The following TAFA1 variants were observed in gnomAD, a reference collection of about 807,000 sequenced individuals.
TAFA1 encodes TAFA chemokine like family member 1, also known as chemokine-like protein TAFA-1.
In TAFA1, 4 loss-of-function variants were observed where a neutral mutation model predicts 18.5. The ratio of observed to expected loss-of-function variants is 0.22; its 90% confidence interval spans 0.11 to 0.49. TAFA1 has a LOEUF of 0.49. Ranked by LOEUF, TAFA1 falls within the 20% of genes least tolerant of loss-of-function variation. The pLI is 0.98. For missense variants in TAFA1, 147 were observed against 169.0 expected (o/e 0.87, Z 0.72); for synonymous variants, 56 against 55.2 (o/e 1.01, Z -0.06).
chr3:68,122,824 G>T (rs900167571), intron 2 of TAFA1, among the ~76,000 whole-genome samples: 3 of 151,646 alleles, frequency 2.0e-5, no homozygotes, highest in Non-Finnish European at 1.5e-5. Flanking sequence ...GTGTGTGTAT[G>T]TGTGTGTGTA....
intron 2 of TAFA1, chr3:68,145,097 G>C (rs182572268): frequency 1.7e-6 from 2 of 1,186,872 alleles, no homozygotes; most frequent in Non-Finnish European, 2.5e-6. Context: ...TGGAGGAATT[G>C]CTACACCCCC....
chr3:67,994,927 T>C, the TAFA1 span, among the ~76,000 whole-genome samples: 2 of 152,108 alleles, frequency 1.3e-5, no homozygotes, highest in Non-Finnish European at 1.5e-5. Context: ...GCAGAGAGAT[T>C]GTGGTTACAT....
chr3:68,188,268 G>T (rs936008570), intron 2 of TAFA1, among the ~76,000 whole-genome samples: 1 of 151,728 alleles, frequency 6.6e-6, no homozygotes, highest in African/African-American at 2.4e-5. Context: ...ACATTGATAG[G>T]AATAAGTTTG....
intron 2 of TAFA1, among the ~76,000 whole-genome samples, chr3:68,124,881 G>A (rs772892940): frequency 3.3e-5 from 5 of 152,164 alleles, no homozygotes; most frequent in Non-Finnish European, 4.4e-5. Context: ...TGTAAGTATG[G>A]GTAAGAGGGT....
At chr3:68,019,286 T>C (rs1000771202) in intron 2 of TAFA1, among the ~76,000 whole-genome samples, 91 of 152,328 alleles carry the variant, frequency 6.0e-4, no homozygotes, top group African/African-American at 2.1e-3. Flanking sequence ...ATGGTTTTTT[T>C]CCTTTCTGGA....
intron 2 of TAFA1, among the ~76,000 whole-genome samples, chr3:68,365,955 C>T (rs186449625): frequency 2.0e-5 from 3 of 151,832 alleles, no homozygotes; most frequent in East Asian, 1.9e-4. Flanking sequence ...CATGGTGGCA[C>T]GTGCCTGTAG....
intron 3 of TAFA1, among the ~76,000 whole-genome samples, chr3:68,458,664 C>T (rs1391063805): frequency 6.6e-6 from 1 of 152,132 alleles, no homozygotes; most frequent in Non-Finnish European, 1.5e-5. Flanking sequence ...AACATGTTGG[C>T]AACTACTGTT....
At chr3:68,436,580 A>C (rs1463280218) in intron 3 of TAFA1, among the ~76,000 whole-genome samples, 2 of 152,126 alleles carry the variant, frequency 1.3e-5, no homozygotes, top group Non-Finnish European at 2.9e-5. Flanking sequence ...AATTTCAGCA[A>C]GTGTTCATTA....
At chr3:68,278,370 T>A (rs1443024155) in intron 2 of TAFA1, among the ~76,000 whole-genome samples, 2 of 152,184 alleles carry the variant, frequency 1.3e-5, no homozygotes, top group African/African-American at 2.4e-5. Flanking sequence ...GTCACCCAGC[T>A]TCAATAATTA....
intron 2 of TAFA1, among the ~76,000 whole-genome samples, chr3:68,356,794 A>G (rs1043257352): frequency 6.6e-6 from 1 of 152,024 alleles, no homozygotes; most frequent in Admixed American, 6.6e-5. Flanking sequence ...ACATACATGC[A>G]TACATACATA....
chr3:68,101,105 C>G (rs1471881838), intron 2 of TAFA1, among the ~76,000 whole-genome samples: 1 of 151,928 alleles, frequency 6.6e-6, no homozygotes, highest in Non-Finnish European at 1.5e-5. Flanking sequence ...TATTTCATCA[C>G]CCAGGTATTG....
intron 3 of TAFA1, among the ~76,000 whole-genome samples, chr3:68,506,987 G>A (rs984697115): frequency 2.0e-5 from 3 of 152,024 alleles, no homozygotes; most frequent in South Asian, 2.1e-4. Context: ...GAAGGTCTTC[G>A]ATATTTTAAG....
intron 2 of TAFA1, among the ~76,000 whole-genome samples, chr3:68,249,411 C>A (rs2067147553): frequency 6.6e-6 from 1 of 152,144 alleles, no homozygotes; most frequent in South Asian, 2.1e-4. Context: ...ACAGCTCTGA[C>A]AACTCAGTCT....
At chr3:68,140,547 C>G (rs956770858) in intron 2 of TAFA1, among the ~76,000 whole-genome samples, 1 of 152,104 alleles carries the variant, frequency 6.6e-6, no homozygotes, top group Non-Finnish European at 1.5e-5. Context: ...GAGTGCCTAC[C>G]CTGCATGAGT....
chr3:68,515,884 C>T (rs1476336747), intron 3 of TAFA1, among the ~76,000 whole-genome samples: 3 of 152,212 alleles, frequency 2.0e-5, no homozygotes, highest in Non-Finnish European at 1.5e-5. Flanking sequence ...ACACGAGCTC[C>T]TCTTGAAATT....
chr3:68,047,665 G>C (rs1311201590), intron 2 of TAFA1, among the ~76,000 whole-genome samples: 3 of 152,078 alleles, frequency 2.0e-5, no homozygotes, highest in African/African-American at 7.2e-5. Flanking sequence ...ATGAAGGGGA[G>C]GGATATATTG....
Position 68,049,503 on chromosome 3 carries a change from T to G in TAFA1, c.118+42759T>G, listed in dbSNP as rs182265257. ...ACTGAAGAGGAGAAGAAATGTCATT[T>G]GTGTTGCTTGGCACACATGAATTCT... is the stretch of plus-strand genomic sequence containing the variant. On this transcript the variant is annotated intron_variant, in intron 2 of 4. Coordinates refer to ENST00000478136, the MANE Select transcript of TAFA1 (RefSeq NM_213609.4). Among the ~76,000 whole-genome samples the G allele has an allele frequency of 2.6e-5, 4 of 152,216 alleles. No individual in the cohort carries two copies. The East Asian group carries it at 7.8e-4, about 29-fold the overall frequency.
intron 3 of TAFA1, among the ~76,000 whole-genome samples, chr3:68,506,055 A>G (rs1027077255): frequency 6.6e-6 from 1 of 151,652 alleles, no homozygotes; most frequent in Non-Finnish European, 1.5e-5. Flanking sequence ...CCACCTCCTG[A>G]TAGGCCCCAG....
chr3:68,319,032 C>T (rs186567358), intron 2 of TAFA1, among the ~76,000 whole-genome samples: 3 of 152,278 alleles, frequency 2.0e-5, no homozygotes, highest in African/African-American at 7.2e-5. Context: ...CTGTCCTCAG[C>T]AAATATATTC....
Sources: gnomAD v4.1 joint callset for allele counts (sites outside exome capture counted in the v4.1 genomes callset) on GRCh38, gnomAD v4.1.1 for gene constraint, MANE v1.5 for transcripts, NCBI Gene and HGNC (gene_info 2026-07-23, HGNC 2026-07-21) for gene names.